MTERF4: variants seen among roughly 807,000 people sequenced by gnomAD.
MTERF4 encodes mitochondrial transcription termination factor 4.
Under a neutral mutation model 22.5 loss-of-function variants are expected in MTERF4, and 17 were observed. The ratio of observed to expected loss-of-function variants is 0.75; its 90% confidence interval spans 0.52 to 1.13. The LOEUF is 1.13. Ranked by LOEUF, MTERF4 falls within the 50% of genes most tolerant of loss-of-function variation. The pLI, the probability that MTERF4 is intolerant of heterozygous loss-of-function variation, is 0.00. For missense variants in MTERF4, 420 were observed against 466.8 expected (o/e 0.90, Z 0.92); for synonymous variants, 165 against 175.3 (o/e 0.94, Z 0.47).
At chr2:241,071,448 C>T (rs2062710343), downstream of MTERF4, 1 of 1,106,298 alleles carries the variant, frequency 9.0e-7, no homozygotes, top group South Asian at 1.4e-5. Flanking sequence ...TGACCACGGC[C>T]CACGCACATG....
downstream of MTERF4, chr2:241,088,487 C>A: frequency 9.1e-7 from 1 of 1,099,344 alleles, no homozygotes; most frequent in Non-Finnish European, 1.4e-6. Context: ...CTCAGAGTGC[C>A]GCTGCCTGCT....
At chr2:241,054,061 A>G in the MTERF4 span, among the ~76,000 whole-genome samples, 34 of 152,302 alleles carry the variant, frequency 2.2e-4, no homozygotes, top group Non-Finnish European at 1.0e-4. Context: ...GCCAAGGCCA[A>G]CCTGCGTGGT....
At chr2:241,053,130 A>T in the MTERF4 span, 1 of 1,601,046 alleles carries the variant, frequency 6.2e-7, no homozygotes, top group South Asian at 1.1e-5. Flanking sequence ...GGACCGTGCG[A>T]GACAGGCTGC....
chr2:241,055,790 G>T, the MTERF4 span, among the ~76,000 whole-genome samples: 2 of 152,308 alleles, frequency 1.3e-5, no homozygotes, highest in Middle Eastern at 6.8e-3. Flanking sequence ...AGCAGAGATA[G>T]ATTTCATAGT....
At chr2:241,091,033 C>T (rs1042444821), downstream of MTERF4, among the ~76,000 whole-genome samples, 16 of 152,224 alleles carry the variant, frequency 1.1e-4, no homozygotes, top group African/African-American at 3.4e-4. The surrounding 1 kb of genome is among the most constrained non-coding windows in gnomAD (Gnocchi z 4.1). Context: ...GATATTTATA[C>T]GGTGGTAAGT....
rs1424453807 is a variant in MTERF4, at chr2:241,096,501, AACC to A, written c.706-66_706-64del. ...GAGTATTGAAACCTATCATTCTATAAACCATAAAAACTTAAGTTGTACAAAAGG... is the reference window on the plus strand; with the variant it reads ...GAGTATTGAAACCTATCATTCTATAAATAAAAACTTAAGTTGTACAAAAGG... On this transcript the variant is annotated intron_variant, in intron 3 of 3. Transcript: ENST00000391980. The surrounding 1 kb of genome is among the most constrained non-coding windows in gnomAD (Gnocchi z 5.1). 1 of 1,562,750 alleles carries A rather than the reference AACC, an allele frequency of 6.4e-7. No individual in the cohort carries two copies. The highest frequency in any genetic ancestry group is 8.8e-7 in the Non-Finnish European group (1 of 1,134,876).
chr2:241,067,747 C>T (rs766018010), downstream of MTERF4: 8 of 1,588,190 alleles, frequency 5.0e-6, no homozygotes, highest in African/African-American at 9.4e-5. Flanking sequence ...ACCTGCTGAA[C>T]AGTCCATTCC....
In MTERF4 at chr2:241,073,212, C is replaced by G; in HGVS notation, n.2950G>C. ...AGCACTCAAAAGGGTGGCCCCAGGA[C>G]CATCCCGGGTGCAAAGCAGCTGCGC... On this transcript the variant is annotated non_coding_transcript_exon_variant, in exon 5 of 5. Coordinates refer to the MTERF4 transcript ENST00000464344. This position sits in a 1 kb window ranked among gnomAD's most constrained non-coding sequence, Gnocchi z 6.6. 1 of 1,353,976 alleles carries G rather than the reference C, an allele frequency of 7.4e-7. No individual in the cohort carries two copies. Among genetic ancestry groups the G allele is most frequent in the East Asian group, 2.5e-5 (1 of 39,582 alleles). The allele number at this position is 1,353,976 out of a possible 1,614,324, so 83.9% of individuals were successfully genotyped here.
the MTERF4 span, among the ~76,000 whole-genome samples, chr2:241,050,689 C>T: frequency 5.3e-5 from 8 of 152,188 alleles, no homozygotes; most frequent in Non-Finnish European, 1.0e-4. Context: ...CTGCTTGGTT[C>T]TTTGCAAGCT....
the MTERF4 span, among the ~76,000 whole-genome samples, chr2:241,056,580 ATT>A: frequency 5.4e-5 from 6 of 111,212 alleles, no homozygotes; most frequent in Admixed American, 2.2e-4. Flanking sequence ...AATAAGTGAA[ATT>A]TTTTTTTTTT....
chr2:241,064,667 G>A, the MTERF4 span, among the ~76,000 whole-genome samples: 2 of 152,202 alleles, frequency 1.3e-5, no homozygotes, highest in African/African-American at 4.8e-5. The surrounding 1 kb of genome is among the most constrained non-coding windows in gnomAD (Gnocchi z 7.0). Context: ...GAGCTGCTGG[G>A]TTGGGCCCCG....
At chr2:241,064,872 TG>T in the MTERF4 span, 2 of 1,590,738 alleles carry the variant, frequency 1.3e-6, no homozygotes, top group Non-Finnish European at 1.7e-6. This position sits in a 1 kb window ranked among gnomAD's most constrained non-coding sequence, Gnocchi z 7.0. Flanking sequence ...CCAGCCCCTG[TG>T]GGGGCCGTGG....
the MTERF4 span, among the ~76,000 whole-genome samples, chr2:241,042,971 G>C: frequency 6.6e-6 from 1 of 152,054 alleles, no homozygotes; most frequent in Non-Finnish European, 1.5e-5. Flanking sequence ...TGTGAAGGAG[G>C]ATGAAGAACA....
downstream of MTERF4, chr2:241,087,007 T>A (rs962129268): frequency 3.5e-5 from 6 of 169,652 alleles, no homozygotes; most frequent in Non-Finnish European, 7.5e-5. Context: ...TCCTCAAACT[T>A]CTCTGTGAAA....
chr2:241,062,208 G>T, the MTERF4 span, among the ~76,000 whole-genome samples: 17 of 152,134 alleles, frequency 1.1e-4, no homozygotes, highest in Non-Finnish European at 2.4e-4. Flanking sequence ...GATTCTTATC[G>T]CAAGGGAAGA....
chr2:241,045,760 G>C, the MTERF4 span, among the ~76,000 whole-genome samples: 1 of 150,344 alleles, frequency 6.7e-6, no homozygotes, highest in East Asian at 1.9e-4. Flanking sequence ...AGTGTTCTTA[G>C]ATAAGACAGC....
chr2:241,087,701 G>A (rs192541845), downstream of MTERF4: 8 of 1,365,052 alleles, frequency 5.9e-6, no homozygotes, highest in East Asian at 2.2e-4. Flanking sequence ...TGGGTGCTGG[G>A]GGGGGTCACT....
At chr2:241,081,517 G>A (rs745811266) in intron 4 of MTERF4, among the ~76,000 whole-genome samples, 7 of 152,218 alleles carry the variant, frequency 4.6e-5, no homozygotes, top group South Asian at 2.1e-4. Flanking sequence ...CTGGGACCAC[G>A]CTCTAGGGCC....
At chr2:241,065,936 G>C in the MTERF4 span, among the ~76,000 whole-genome samples, 2 of 152,022 alleles carry the variant, frequency 1.3e-5, no homozygotes, top group Non-Finnish European at 2.9e-5. Context: ...TGGGAGACAG[G>C]GGCCGCGGGG....
Sources: allele counts gnomAD v4.1 joint callset (sites outside exome capture counted in the v4.1 genomes callset), GRCh38; gene constraint gnomAD v4.1.1; non-coding constraint Gnocchi (gnomAD v3.1); transcripts MANE v1.5; gene names NCBI Gene and HGNC (gene_info 2026-07-23, HGNC 2026-07-21).